The following TBC1D22A variants were observed in gnomAD, a reference collection of about 807,000 sequenced individuals.
TBC1D22A encodes the protein putative GTPase activator.
In TBC1D22A, 38 loss-of-function variants were observed where a neutral mutation model predicts 60.2. The ratio of observed to expected loss-of-function variants is 0.63; its 90% CI spans 0.49 to 0.83. TBC1D22A has a LOEUF of 0.83. TBC1D22A is among the 40% of genes least tolerant of loss of function. TBC1D22A has a pLI of 0.00. For missense variants in TBC1D22A, 628 were observed against 701.0 expected (o/e 0.90, Z 1.18); for synonymous variants, 302 against 281.7 (o/e 1.07, Z -0.72).
intron 11 of TBC1D22A, among the ~76,000 whole-genome samples, chr22:47,057,699 G>C (rs1309165278): frequency 6.6e-6 from 1 of 152,174 alleles, no homozygotes; most frequent in Non-Finnish European, 1.5e-5. Flanking sequence ...AAAACCGTCA[G>C]ATCTCATGAG....
chr22:46,934,076 A>G (rs1243787037), intron 8 of TBC1D22A, among the ~76,000 whole-genome samples: 1 of 152,220 alleles, frequency 6.6e-6, no homozygotes, highest in Non-Finnish European at 1.5e-5. Context: ...GAAAGGAAAA[A>G]CAAAATGGCA....
chr22:46,985,758 G>A (rs2148185402), intron 9 of TBC1D22A, among the ~76,000 whole-genome samples: 1 of 152,224 alleles, frequency 6.6e-6, no homozygotes, highest in Non-Finnish European at 1.5e-5. Flanking sequence ...GTTAAGTTCT[G>A]GCTGTTCCAC....
intron 3 of TBC1D22A, among the ~76,000 whole-genome samples, chr22:46,797,238 G>A (rs1037130496): frequency 2.0e-5 from 3 of 152,194 alleles, no homozygotes; most frequent in Admixed American, 6.5e-5. Context: ...GGTCCATTTT[G>A]TTGGTGAATA....
At position 46,926,635 on chromosome 22, in the gene TBC1D22A, G is replaced by T. The variant is rs5769257; in HGVS notation, c.1015+14447G>T. On this transcript the variant is annotated intron_variant, in intron 8 of 12. Transcript: ENST00000337137. ...AATCGGTGGACTTTGAGTAAAGCAG[G>T]TTACCCTCCACAATGTAGGTGGGCC... Among the ~76,000 whole-genome samples, 3 of 152,248 alleles carry T rather than the reference G, an allele frequency of 2.0e-5. No individual in the cohort carries two copies. In the East Asian group the frequency reaches 5.8e-4, roughly 29 times the overall value.
chr22:46,808,517 G>A (rs1223130143), intron 4 of TBC1D22A, among the ~76,000 whole-genome samples: 1 of 152,074 alleles, frequency 6.6e-6, no homozygotes, highest in Non-Finnish European at 1.5e-5. Context: ...TGCATAGAGA[G>A]GTGAAGGATA....
chr22:46,999,804 T>A (rs1422689991), intron 10 of TBC1D22A, among the ~76,000 whole-genome samples: 1 of 152,198 alleles, frequency 6.6e-6, no homozygotes, highest in African/African-American at 2.4e-5. Context: ...GGCAGGCGGA[T>A]CACGAGGTCA....
chr22:46,982,879 G>C (rs114557675), intron 9 of TBC1D22A, among the ~76,000 whole-genome samples: 1,907 of 152,148 alleles, frequency 0.013, 39 homozygotes, highest in African/African-American at 0.042. Flanking sequence ...CAGCGGTGGG[G>C]CGCCCTCCTG....
chr22:47,080,590 G>A (rs1206280513), intron 11 of TBC1D22A, among the ~76,000 whole-genome samples: 2 of 149,624 alleles, frequency 1.3e-5, no homozygotes, highest in Non-Finnish European at 3.0e-5. Context: ...TATAGCTAAA[G>A]CAGTGCTTGG....
chr22:47,052,772 C>A (rs1342198097), intron 11 of TBC1D22A, among the ~76,000 whole-genome samples: 1 of 152,190 alleles, frequency 6.6e-6, no homozygotes, highest in Non-Finnish European at 1.5e-5. Flanking sequence ...TCCCACAGTA[C>A]CCCCGGGCAT....
intron 11 of TBC1D22A, among the ~76,000 whole-genome samples, chr22:47,092,399 G>A (rs150800214): frequency 0.012 from 1,794 of 152,298 alleles, 14 homozygotes; most frequent in Non-Finnish European, 0.018. Context: ...TGGTGGTGGC[G>A]GAAGAAGGCA....
chr22:47,152,997 A>G (rs1480475976), intron 12 of TBC1D22A, among the ~76,000 whole-genome samples: 26 of 152,192 alleles, frequency 1.7e-4, no homozygotes, highest in Non-Finnish European at 1.5e-5. Context: ...TTCTGATATT[A>G]AAGGAGGTCC....
intron 4 of TBC1D22A, among the ~76,000 whole-genome samples, chr22:46,845,415 C>A (rs1226879510): frequency 1.3e-5 from 2 of 152,170 alleles, no homozygotes; most frequent in African/African-American, 2.4e-5. Context: ...TATTATTATT[C>A]ATTTCTGAAA....
At chr22:47,055,502 T>C (rs965227756) in intron 11 of TBC1D22A, among the ~76,000 whole-genome samples, 1 of 152,218 alleles carries the variant, frequency 6.6e-6, no homozygotes, top group African/African-American at 2.4e-5. Flanking sequence ...TAGGGGTATG[T>C]ACATTTGTGA....
At chr22:46,851,379 C>T (rs938787276) in intron 4 of TBC1D22A, among the ~76,000 whole-genome samples, 7 of 152,218 alleles carry the variant, frequency 4.6e-5, no homozygotes, top group African/African-American at 1.7e-4. Context: ...CACAGAGCCC[C>T]TCCTGCTGCT....
chr22:47,156,378 G>A (rs544385908), intron 12 of TBC1D22A, among the ~76,000 whole-genome samples: 24 of 152,310 alleles, frequency 1.6e-4, no homozygotes, highest in African/African-American at 5.8e-4. Context: ...CCAGTGGCTC[G>A]AGAGGGCAGC....
chr22:47,006,619 G>T (rs1228946041), intron 10 of TBC1D22A, among the ~76,000 whole-genome samples: 4 of 152,206 alleles, frequency 2.6e-5, no homozygotes, highest in Non-Finnish European at 5.9e-5. Context: ...TGTAGGAGCT[G>T]CTGACTTCTG....
At chr22:46,971,804 G>C (rs1484428525) in intron 8 of TBC1D22A, among the ~76,000 whole-genome samples, 1 of 152,232 alleles carries the variant, frequency 6.6e-6, no homozygotes, top group African/African-American at 2.4e-5. Context: ...GGGAGACAGG[G>C]CCTTTCCCTG....
chr22:47,072,803 C>T (rs1331633169), intron 11 of TBC1D22A, among the ~76,000 whole-genome samples: 3 of 152,244 alleles, frequency 2.0e-5, no homozygotes, highest in East Asian at 3.9e-4. Flanking sequence ...CTCTGGCCAT[C>T]GAGGCTGTGC....
chr22:47,022,588 C>G (rs1195039995), intron 10 of TBC1D22A, among the ~76,000 whole-genome samples: 1 of 151,894 alleles, frequency 6.6e-6, no homozygotes. Context: ...ACAAAAACAC[C>G]AAAGCTCTGC....
Sources: gnomAD v4.1 joint callset for allele counts (sites outside exome capture counted in the v4.1 genomes callset) on GRCh38, gnomAD v4.1.1 for gene constraint, MANE v1.5 for transcripts, NCBI Gene and HGNC (gene_info 2026-07-23, HGNC 2026-07-21) for gene names.